Variants in SAMD12 observed in about 807,000 individuals in gnomAD.
SAMD12 encodes sterile alpha motif domain-containing protein 12.
A neutral mutation model predicts 15.0 loss-of-function variants in SAMD12; 9 were observed. The ratio of observed to expected loss-of-function variants is 0.60; its 90% CI spans 0.36 to 1.05. The LOEUF (loss-of-function observed/expected upper bound fraction) is 1.05, where lower values mean the gene tolerates loss of function less well. SAMD12 is among the 50% of genes least tolerant of loss of function. The probability of loss-of-function intolerance (pLI) is 0.01; values close to 1 mark genes in which losing one functional copy is unlikely to be tolerated. For missense variants in SAMD12, 230 were observed against 234.2 expected, an observed-to-expected ratio of 0.98 and a Z score of 0.12; for synonymous variants, 86 against 90.1, an observed-to-expected ratio of 0.96 and a Z score of 0.25.
chr8:118,227,258 C>T (rs962442303), intron 4 of SAMD12, among the ~76,000 whole-genome samples: 2 of 151,994 alleles, frequency 1.3e-5, no homozygotes, highest in African/African-American at 2.4e-5. Flanking sequence ...AGCAAACTGA[C>T]GCAGGAACAG....
At chr8:118,288,948 C>T (rs2931125) in intron 4 of SAMD12, among the ~76,000 whole-genome samples, 19 of 152,318 alleles carry the variant, frequency 1.2e-4, no homozygotes, top group Admixed American at 2.6e-4. Context: ...CCTAACATGT[C>T]TTCCTGGTCA....
At chr8:118,315,945 T>C (rs1277676996) in intron 4 of SAMD12, among the ~76,000 whole-genome samples, 3 of 152,178 alleles carry the variant, frequency 2.0e-5, no homozygotes, top group Admixed American at 1.3e-4. Flanking sequence ...AGATTTCTGT[T>C]ACCATCTTCT....
intron 3 of SAMD12, among the ~76,000 whole-genome samples, chr8:118,427,205 CATCT>C (rs1301204353): frequency 6.6e-6 from 1 of 152,118 alleles, no homozygotes; most frequent in African/African-American, 2.4e-5. Flanking sequence ...TCCATCCATC[CATCT>C]ATCCATCTTT....
chr8:118,336,505 C>T (rs1401104933), intron 4 of SAMD12, among the ~76,000 whole-genome samples: 3 of 152,164 alleles, frequency 2.0e-5, no homozygotes, highest in African/African-American at 7.2e-5. Context: ...GTCTTTATAG[C>T]AGCATGATTT....
At chr8:118,312,499 C>G (rs778931647) in intron 4 of SAMD12, among the ~76,000 whole-genome samples, 1 of 152,144 alleles carries the variant, frequency 6.6e-6, no homozygotes, top group Non-Finnish European at 1.5e-5. Flanking sequence ...GTTCTGTTGT[C>G]TAAACTCTTA....
intron 2 of SAMD12, among the ~76,000 whole-genome samples, chr8:118,543,628 TTTC>T (rs1278451345): frequency 1.9e-4 from 25 of 132,568 alleles, no homozygotes; most frequent in East Asian, 1.2e-3. Flanking sequence ...TCTTTCTTTC[TTTC>T]TTTTTTTTTT....
chr8:118,376,592 C>T (rs1240464679), downstream of SAMD12, among the ~76,000 whole-genome samples: 2 of 152,084 alleles, frequency 1.3e-5, no homozygotes, highest in Admixed American at 1.3e-4. Context: ...CATTTTGTTA[C>T]CGCAGCCTGA....
chr8:118,555,125 T>C (rs1029290794), intron 2 of SAMD12, among the ~76,000 whole-genome samples: 2 of 152,170 alleles, frequency 1.3e-5, no homozygotes, highest in South Asian at 2.1e-4. Context: ...CATCTGTTAT[T>C]GGTTAGCAGA....
chr8:118,563,838 G>T (rs1434016082), intron 2 of SAMD12, among the ~76,000 whole-genome samples: 1 of 152,110 alleles, frequency 6.6e-6, no homozygotes, highest in Non-Finnish European at 1.5e-5. Context: ...TGTGAGTTTT[G>T]ACCAATGCAC....
intron 2 of SAMD12, among the ~76,000 whole-genome samples, chr8:118,494,141 G>C (rs1435459106): frequency 6.6e-6 from 1 of 152,170 alleles, no homozygotes; most frequent in East Asian, 1.9e-4. Flanking sequence ...AAGATGCCAT[G>C]TTGCTGGCTC....
At chr8:118,211,704 T>C (rs1043859828) in intron 4 of SAMD12, among the ~76,000 whole-genome samples, 2 of 152,182 alleles carry the variant, frequency 1.3e-5, no homozygotes, top group African/African-American at 4.8e-5. Flanking sequence ...CTTAATTTTC[T>C]ATTCTTCTGA....
At chr8:118,235,412 T>C (rs993907405) in intron 4 of SAMD12, among the ~76,000 whole-genome samples, 1 of 152,176 alleles carries the variant, frequency 6.6e-6, no homozygotes, top group African/African-American at 2.4e-5. Flanking sequence ...GGTTTCACCA[T>C]GTTGACCAGG....
At chr8:118,568,473 G>A (rs1331238184) in intron 2 of SAMD12, among the ~76,000 whole-genome samples, 1 of 152,172 alleles carries the variant, frequency 6.6e-6, no homozygotes, top group Non-Finnish European at 1.5e-5. Flanking sequence ...GCAGAAGAGG[G>A]ACATGATCTG....
At chr8:118,264,828 T>C (rs1447527051) in intron 4 of SAMD12, among the ~76,000 whole-genome samples, 3 of 152,130 alleles carry the variant, frequency 2.0e-5, no homozygotes, top group Admixed American at 6.6e-5. Context: ...TTGTCCTTTA[T>C]AGAAAGGAAG....
chr8:118,214,060 G>T (rs1269188792), intron 4 of SAMD12, among the ~76,000 whole-genome samples: 1 of 152,170 alleles, frequency 6.6e-6, no homozygotes, highest in Non-Finnish European at 1.5e-5. Context: ...ATATACTTGT[G>T]ATACTGTCAA....
At chr8:118,553,753 A>G (rs1826426171) in intron 2 of SAMD12, among the ~76,000 whole-genome samples, 2 of 151,448 alleles carry the variant, frequency 1.3e-5, no homozygotes, top group Admixed American at 1.3e-4. Flanking sequence ...GCAACCCACA[A>G]AATGGGAGAA....
downstream of SAMD12, among the ~76,000 whole-genome samples, chr8:118,374,761 A>T (rs115032821): frequency 2.9e-3 from 442 of 152,046 alleles, 4 homozygotes; most frequent in African/African-American, 0.01. Flanking sequence ...CCTATTGGCC[A>T]TTTGCATACC....
At chr8:118,314,309 T>C (rs6469731) in intron 4 of SAMD12, among the ~76,000 whole-genome samples, 72,225 of 151,578 alleles carry the variant, frequency 0.48, 19,700 homozygotes, top group African/African-American at 0.77. Flanking sequence ...TTTGAAATAA[T>C]TATAGACTCA....
intron 3 of SAMD12, among the ~76,000 whole-genome samples, chr8:118,391,692 C>T (rs1820283656): frequency 6.6e-6 from 1 of 152,084 alleles, no homozygotes; most frequent in Non-Finnish European, 1.5e-5. Context: ...ATTTGTATTT[C>T]CTTAAACTTT....
Sources: allele counts gnomAD v4.1 joint callset (sites outside exome capture counted in the v4.1 genomes callset), GRCh38; gene constraint gnomAD v4.1.1; transcripts MANE v1.5; gene names NCBI Gene and HGNC (gene_info 2026-07-23, HGNC 2026-07-21).